LRFN2: variants seen among roughly 807,000 people sequenced by gnomAD.
The protein encoded by LRFN2 is leucine rich repeat and fibronectin type III domain containing 2.
Under a neutral mutation model 37.3 loss-of-function variants are expected in LRFN2, and 18 were observed. That is an observed-to-expected ratio of 0.48 (90% CI 0.33 to 0.72). The LOEUF is 0.72. Ranked by LOEUF, LRFN2 falls within the 30% of genes least tolerant of loss-of-function variation. The probability of loss-of-function intolerance (pLI) is 0.02; values close to 1 mark genes in which losing one functional copy is unlikely to be tolerated. For missense variants in LRFN2, 1,006 were observed against 1,060.7 expected (o/e 0.95, Z 0.72); for synonymous variants, 556 against 466.6 (o/e 1.19, Z -2.47).
chr6:40,490,195 G>A (rs1378045571), intron 1 of LRFN2, among the ~76,000 whole-genome samples: 3 of 152,206 alleles, frequency 2.0e-5, no homozygotes, highest in East Asian at 1.9e-4. Flanking sequence ...ACTAATCCAC[G>A]TTTGCCTCTC....
intron 1 of LRFN2, among the ~76,000 whole-genome samples, chr6:40,449,114 G>C (rs2113840715): frequency 6.6e-6 from 1 of 152,270 alleles, no homozygotes; most frequent in Middle Eastern, 3.4e-3. Flanking sequence ...GGTGAATATA[G>C]TTAATAATAG....
At chr6:40,419,518 C>T (rs185680260) in intron 2 of LRFN2, among the ~76,000 whole-genome samples, 3,457 of 152,324 alleles carry the variant, frequency 0.023, 65 homozygotes, top group Non-Finnish European at 0.035. Flanking sequence ...CAGTTCAACT[C>T]CAGCCAACCT....
Position 40,433,074 on chromosome 6 carries a change from C to T in LRFN2, c.40G>A (p.Ala14Thr). 1 of 1,534,168 alleles carries T rather than the reference C, an allele frequency of 6.5e-7. No homozygotes were observed. Among genetic ancestry groups the T allele is most frequent in the Non-Finnish European group, 8.8e-7 (1 of 1,141,856 alleles). The stretch of plus-strand genomic sequence containing the variant: ...GGGCAGGCGTCGACCACGGCAAACG[C>T]CATGCCAAACGCTAGCAGGCCACCA... Reference protein sequence around the residue: ...LLGGLLAFGMAFAVVDACPKY... With the variant: ...LLGGLLAFGMTFAVVDACPKY... The change falls in exon 2 of 3, where the codon GCG becomes ACG. Residue 14 changes from alanine to threonine, a missense_variant. Coordinates refer to ENST00000338305, the MANE Select transcript of LRFN2 (RefSeq NM_020737.3).
intron 1 of LRFN2, among the ~76,000 whole-genome samples, chr6:40,467,952 G>A (rs1764508659): frequency 6.6e-6 from 1 of 152,120 alleles, no homozygotes; most frequent in Non-Finnish European, 1.5e-5. Flanking sequence ...TCTAATGAGG[G>A]TAGACAGCCT....
chr6:40,476,414 G>A (rs956698075), intron 1 of LRFN2, among the ~76,000 whole-genome samples: 1 of 152,198 alleles, frequency 6.6e-6, no homozygotes, highest in Non-Finnish European at 1.5e-5. Context: ...CAACCTCACT[G>A]TAAGAAAGGC....
chr6:40,505,340 C>T lies in LRFN2; in HGVS notation c.-18-72209G>A, dbSNP rs561235255. ...ATCATCCTCTAAATATACATTTTCA[C>T]GTTATATCCTAATGGCACCCAGAGA... On this transcript the variant is annotated intron_variant, in intron 1 of 2. Transcript: ENST00000338305. Among the ~76,000 whole-genome samples the T allele has an allele frequency of 6.4e-4, 97 of 152,246 alleles. 1 individual carries two copies. Among genetic ancestry groups the T allele is most frequent in the Middle Eastern group, 6.8e-3 (2 of 294 alleles).
intron 1 of LRFN2, among the ~76,000 whole-genome samples, chr6:40,467,333 G>A (rs1234377354): frequency 6.6e-6 from 1 of 152,002 alleles, no homozygotes; most frequent in East Asian, 1.9e-4. Context: ...TCCTGTCTGG[G>A]GCAGGCCCAG....
intron 1 of LRFN2, among the ~76,000 whole-genome samples, chr6:40,584,451 C>T (rs990846476): frequency 1.1e-4 from 16 of 152,112 alleles, no homozygotes; most frequent in African/African-American, 3.9e-4. Context: ...TAAGTTGGAC[C>T]CTAAAACTCC....
intron 1 of LRFN2, among the ~76,000 whole-genome samples, chr6:40,572,071 C>T (rs373250899): frequency 1.1e-4 from 16 of 152,362 alleles, no homozygotes; most frequent in East Asian, 7.7e-4. Flanking sequence ...TCTGCTCCCA[C>T]GCTTTGCTAA....
intron 1 of LRFN2, among the ~76,000 whole-genome samples, chr6:40,496,006 T>C (rs1458000772): frequency 1.3e-5 from 2 of 152,228 alleles, no homozygotes; most frequent in Non-Finnish European, 2.9e-5. Context: ...ACTCCAAATA[T>C]GCCAATACAT....
chr6:40,521,117 A>G (rs576792342), intron 1 of LRFN2, among the ~76,000 whole-genome samples: 12 of 152,158 alleles, frequency 7.9e-5, no homozygotes, highest in Non-Finnish European at 1.6e-4. Context: ...AAGGAAAGAG[A>G]GAGAGAAGAG....
At chr6:40,461,652 G>C (rs557636207) in intron 1 of LRFN2, among the ~76,000 whole-genome samples, 1 of 149,806 alleles carries the variant, frequency 6.7e-6, no homozygotes, top group Non-Finnish European at 1.5e-5. Context: ...GAATACACGA[G>C]ATAAATAAAG....
At chr6:40,509,978 C>T (rs566720710) in intron 1 of LRFN2, among the ~76,000 whole-genome samples, 10 of 132,546 alleles carry the variant, frequency 7.5e-5, no homozygotes, top group East Asian at 2.3e-4. Context: ...GGGTATGCCA[C>T]GGAACACTGG....
chr6:40,496,287 C>T (rs543174104), intron 1 of LRFN2, among the ~76,000 whole-genome samples: 2 of 152,264 alleles, frequency 1.3e-5, no homozygotes, highest in Admixed American at 1.3e-4. Flanking sequence ...TTCTGGCCCA[C>T]CTCCAACGTG....
chr6:40,400,787 G>A (rs928454521), intron 2 of LRFN2, among the ~76,000 whole-genome samples: 2 of 151,694 alleles, frequency 1.3e-5, no homozygotes, highest in Non-Finnish European at 2.9e-5. Context: ...TCATGGATGT[G>A]CATATACATA....
At chr6:40,426,413 T>G (rs1184816744) in intron 2 of LRFN2, among the ~76,000 whole-genome samples, 1 of 152,194 alleles carries the variant, frequency 6.6e-6, no homozygotes, top group Non-Finnish European at 1.5e-5. Context: ...ATTTCCAGTC[T>G]GTCCAGTTCA....
At chr6:40,512,260 G>A (rs1306968898) in intron 1 of LRFN2, among the ~76,000 whole-genome samples, 2 of 152,146 alleles carry the variant, frequency 1.3e-5, no homozygotes, top group Non-Finnish European at 2.9e-5. Flanking sequence ...ACTTAGGGAG[G>A]TACTTACCCT....
intron 1 of LRFN2, among the ~76,000 whole-genome samples, chr6:40,582,055 A>G (rs980128502): frequency 6.6e-6 from 1 of 152,162 alleles, no homozygotes; most frequent in African/African-American, 2.4e-5. Flanking sequence ...TGGGAAGAAG[A>G]AATGAGAGGG....
At chr6:40,555,209 C>A (rs1053555775) in intron 1 of LRFN2, among the ~76,000 whole-genome samples, 1 of 152,206 alleles carries the variant, frequency 6.6e-6, no homozygotes, top group Non-Finnish European at 1.5e-5. Flanking sequence ...TGGGGAGGAA[C>A]CTTGGCTCCT....
Sources: allele counts gnomAD v4.1 joint callset (sites outside exome capture counted in the v4.1 genomes callset), GRCh38; gene constraint gnomAD v4.1.1; transcripts MANE v1.5; gene names NCBI Gene and HGNC (gene_info 2026-07-23, HGNC 2026-07-21).